Variants in CDC20B observed in about 807,000 individuals in gnomAD.
The protein encoded by CDC20B is cell division cycle 20B.
In CDC20B, 58 loss-of-function variants were observed where a neutral mutation model predicts 64.1. The observed-to-expected ratio is 0.90, with a 90% CI of 0.73 to 1.13. The LOEUF is 1.13. Ranked by LOEUF, CDC20B falls within the 50% of genes most tolerant of loss-of-function variation. The probability of loss-of-function intolerance (pLI) is 0.00; values close to 1 mark genes in which losing one functional copy is unlikely to be tolerated. For synonymous variants in CDC20B, 243 were observed against 230.6 expected (o/e 1.05, Z -0.49); for missense variants, 597 against 633.0 (o/e 0.94, Z 0.61).
intron 4 of CDC20B, among the ~76,000 whole-genome samples, chr5:55,141,664 GACA>G (rs1196485983): frequency 3.9e-5 from 6 of 152,208 alleles, no homozygotes; most frequent in Non-Finnish European, 8.8e-5. Context: ...CTCTCTGACA[GACA>G]ACATTTTGGT....
chr5:55,146,808 C>G lies in CDC20B; in HGVS notation c.175G>C (p.Ala59Pro). The change falls in exon 3 of 12, where the codon GCG becomes CCG. Residue 59 changes from alanine (A) to proline (P), a missense_variant. By Grantham distance (27) the Ala-to-Pro change is conservative. This residue lies in a region of CDC20B where 241 missense variants were observed against 219.2 expected (regional missense o/e 1.10). Coordinates refer to ENST00000381375, the MANE Select transcript of CDC20B (RefSeq NM_001170402.1). ...GGAACCTCTGCGGACAGCCTCTTCGCAAAGTTGCTCTTAAAGTCAGAATAC... is the reference window on the plus strand; with the variant it reads ...GGAACCTCTGCGGACAGCCTCTTCGGAAAGTTGCTCTTAAAGTCAGAATAC... The part of the protein sequence containing the change: ...ATYSDFKSNF[A>P]KRLSAEVPVA... 3 of 1,614,092 alleles carry G rather than the reference C, an allele frequency of 1.9e-6. No individual in the cohort carries two copies. The highest frequency in any genetic ancestry group is 2.5e-6 in the Non-Finnish European group (3 of 1,179,996).
chr5:55,139,380 T>G (rs1365510313), intron 5 of CDC20B, among the ~76,000 whole-genome samples: 1 of 152,134 alleles, frequency 6.6e-6, no homozygotes, highest in Non-Finnish European at 1.5e-5. Context: ...AGAAGACAAC[T>G]GTGCAACTGG....
chr5:55,142,493 C>A lies in CDC20B; in HGVS notation c.486+1020G>T, dbSNP rs76798369. Among the ~76,000 whole-genome samples, 748 of 152,250 alleles carry A rather than the reference C, an allele frequency of 4.9e-3. 9 individuals are homozygous for A. The highest frequency in any genetic ancestry group is 0.024 in the Middle Eastern group (7 of 294). On this transcript the variant is annotated intron_variant, in intron 4 of 11. Coordinates refer to ENST00000381375, the MANE Select transcript of CDC20B (RefSeq NM_001170402.1). Reference sequence around the variant, plus strand: ...TGAGCCCACAGATGGAGCCACTAACCTTGCTGCCACCAGTTACCAGAAAGG... The same window carrying A: ...TGAGCCCACAGATGGAGCCACTAACATTGCTGCCACCAGTTACCAGAAAGG...
chr5:55,173,103 C>T lies in CDC20B; in HGVS notation c.-103G>A. The T allele has an allele frequency of 1.1e-6, 1 of 951,168 alleles. No homozygotes were observed. The highest frequency in any genetic ancestry group is 2.1e-5 in the Admixed American group (1 of 48,532). The allele number at this position is 951,168 out of a possible 1,614,324, so 58.9% of individuals were successfully genotyped here. Reference sequence around the variant, plus strand: ...GTCTTGACGCCTAATCGTCAAACCCCTGGAGTCCCGTCCCCCAGGACCATT... The same window carrying T: ...GTCTTGACGCCTAATCGTCAAACCCTTGGAGTCCCGTCCCCCAGGACCATT... On this transcript the variant is annotated 5_prime_UTR_variant, in exon 1 of 12. Coordinates refer to ENST00000381375, the MANE Select transcript of CDC20B (RefSeq NM_001170402.1).
chr5:55,170,702 A>T (rs748663556), intron 2 of CDC20B: 1 of 534,594 alleles, frequency 1.9e-6, no homozygotes, highest in Non-Finnish European at 3.8e-6. Context: ...ACTTGACCCA[A>T]GCAGCCAGCT....
At chr5:55,125,550 G>C (rs1742864436) in intron 8 of CDC20B, among the ~76,000 whole-genome samples, 1 of 152,174 alleles carries the variant, frequency 6.6e-6, no homozygotes, top group Non-Finnish European at 1.5e-5. Flanking sequence ...TGTAAAAGAA[G>C]TTTAAAACCA....
intron 4 of CDC20B, 66 bp downstream of exon 4, chr5:55,143,447 C>A: frequency 1.4e-6 from 2 of 1,474,792 alleles, no homozygotes; most frequent in Middle Eastern, 1.8e-4. Flanking sequence ...TCTTCCCTTA[C>A]ATTTGCAACT....
Position 55,119,763 on chromosome 5 carries a change from C to G in CDC20B, c.1459+38G>C, listed in dbSNP as rs764937355. On this transcript the variant is annotated intron_variant, in intron 11 of 11. Coordinates refer to ENST00000381375, the MANE Select transcript of CDC20B (RefSeq NM_001170402.1). ...TTCCCCCCAACAACAGCTCACTTTG[C>G]TATAGGTGCATGGCATTTTACTCAC... 3 of 1,251,204 alleles carry G rather than the reference C, an allele frequency of 2.4e-6. No individual in the cohort carries two copies. In the Admixed American group the frequency reaches 5.1e-5, roughly 21 times the overall value. 77.5% of individuals were successfully genotyped at this position (1,251,204 alleles called of 1,614,324 possible). A position where few individuals can be genotyped will look rare whatever the true frequency, so the allele number is the denominator to read the frequency against.
At chr5:55,161,180 G>A (rs1427860967) in intron 2 of CDC20B, 1 of 1,613,930 alleles carries the variant, frequency 6.2e-7, no homozygotes, top group Non-Finnish European at 8.5e-7. Context: ...AAAAAACTAC[G>A]GAGTAACTTT....
chr5:55,147,418 TTA>T (rs1050647278), intron 2 of CDC20B, among the ~76,000 whole-genome samples: 64 of 139,274 alleles, frequency 4.6e-4, no homozygotes, highest in Non-Finnish European at 7.9e-4. Context: ...ATGTTATATT[TTA>T]TATATTTTTA....
At chr5:55,160,052 C>T in intron 2 of CDC20B, 1 of 623,856 alleles carries the variant, frequency 1.6e-6, no homozygotes, top group Non-Finnish European at 2.9e-6. Flanking sequence ...CATTTCCCCT[C>T]TGAGAAGTGG....
At chr5:55,167,343 AC>A (rs1651720188) in intron 2 of CDC20B, among the ~76,000 whole-genome samples, 1 of 152,242 alleles carries the variant, frequency 6.6e-6, no homozygotes, top group Non-Finnish European at 1.5e-5. Context: ...TTTAACAATT[AC>A]ACTGTATCAA....
chr5:55,129,460 G>T (rs1742974964), intron 6 of CDC20B, among the ~76,000 whole-genome samples: 1 of 152,114 alleles, frequency 6.6e-6, no homozygotes, highest in Non-Finnish European at 1.5e-5. Context: ...TGCCAGCGAA[G>T]ACTCTGACAA....
At chr5:55,128,728 C>A in intron 6 of CDC20B, 111 bp from the exon 7 acceptor site, 1 of 733,034 alleles carries the variant, frequency 1.4e-6, no homozygotes, top group South Asian at 3.7e-5. Flanking sequence ...CCATGGTTAG[C>A]TGGAAAATGG....
At chr5:55,128,235 T>C (rs1205136151) in intron 7 of CDC20B, among the ~76,000 whole-genome samples, 186 bp downstream of exon 7, 2 of 150,478 alleles carry the variant, frequency 1.3e-5, no homozygotes, top group African/African-American at 4.9e-5. Context: ...AGAGTATCCT[T>C]ACGTTTTCAT....
In CDC20B at chr5:55,128,462, C is replaced by T. The variant is rs367682262; in HGVS notation, c.853G>A (p.Gly285Arg). The T allele has an allele frequency of 1.2e-6, 2 of 1,606,340 alleles. No homozygotes were observed. The highest frequency in any genetic ancestry group is 1.7e-6 in the Non-Finnish European group (2 of 1,178,072). ...CTGGTGCCAACTGCCAGGCAAGTTC[C>T]CTCTTTTATCCAGGACACAGAAGAG... ...YISSVSWIKE[G>R]TCLAVGTSEG... Residue 285 changes from glycine (G) to arginine (R), a missense_variant, in exon 7 of 12, where the codon GGA becomes AGA. Coordinates refer to ENST00000381375, the MANE Select transcript of CDC20B (RefSeq NM_001170402.1).
intron 5 of CDC20B, chr5:55,137,314 C>T: frequency 3.1e-6 from 1 of 326,474 alleles, no homozygotes; most frequent in Non-Finnish European, 6.0e-6. Context: ...CACAACACCA[C>T]CATCCAAAGT....
intron 2 of CDC20B, chr5:55,161,156 G>C: frequency 6.2e-7 from 1 of 1,614,194 alleles, no homozygotes; most frequent in Non-Finnish European, 8.5e-7. Flanking sequence ...CAAGGAAGTA[G>C]AATCTTTTGC....
At chr5:55,142,446 G>A (rs10072079) in intron 4 of CDC20B, among the ~76,000 whole-genome samples, 3,917 of 152,236 alleles carry the variant, frequency 0.026, 193 homozygotes, top group African/African-American at 0.089. Context: ...AATTGCTAAG[G>A]AGTATCTTGC....
Sources: allele counts gnomAD v4.1 joint callset (sites outside exome capture counted in the v4.1 genomes callset), GRCh38; gene constraint gnomAD v4.1.1; regional missense constraint gnomAD v4.1.1; transcripts MANE v1.5; gene names NCBI Gene and HGNC (gene_info 2026-07-23, HGNC 2026-07-21).